Variants in TENM3 observed in about 807,000 individuals in gnomAD.
TENM3 encodes the protein teneurin-3.
In TENM3, 63 loss-of-function variants were observed where a neutral mutation model predicts 255.1. The observed-to-expected ratio is 0.25, with a 90% CI of 0.20 to 0.30. TENM3 has a LOEUF of 0.30. Ranked by LOEUF, TENM3 falls within the 10% of genes least tolerant of loss-of-function variation. TENM3 has a pLI of 1.00. For synonymous variants in TENM3, 1,306 were observed against 1,322.3 expected (o/e 0.99, Z 0.27); for missense variants, 2,929 against 3,461.1 (o/e 0.85, Z 3.86).
the TENM3 span, among the ~76,000 whole-genome samples, chr4:182,110,350 G>A: frequency 1.3e-4 from 20 of 151,212 alleles, no homozygotes; most frequent in Non-Finnish European, 2.5e-4. Flanking sequence ...ATTGAGACAG[G>A]GTCTCGCTCT....
the TENM3 span, among the ~76,000 whole-genome samples, chr4:181,779,979 T>C: frequency 2.0e-5 from 3 of 152,242 alleles, no homozygotes; most frequent in Non-Finnish European, 2.9e-5. Flanking sequence ...ATCCTTTTTA[T>C]GGCTGCATAG....
chr4:181,986,584 T>G, the TENM3 span, among the ~76,000 whole-genome samples: 1 of 152,098 alleles, frequency 6.6e-6, no homozygotes, highest in East Asian at 1.9e-4. Flanking sequence ...AAACTTCCAC[T>G]GCTCATACCT....
At chr4:181,889,241 G>A in the TENM3 span, among the ~76,000 whole-genome samples, 10 of 152,180 alleles carry the variant, frequency 6.6e-5, no homozygotes, top group South Asian at 1.2e-3. Flanking sequence ...GTGGTGATGC[G>A]TGCGTTCACG....
chr4:182,493,762 A>G (rs953340647), intron 3 of TENM3, among the ~76,000 whole-genome samples: 3 of 152,154 alleles, frequency 2.0e-5, no homozygotes, highest in Non-Finnish European at 4.4e-5. Context: ...CTAAGACTTG[A>G]TTTCATGCAC....
chr4:182,198,268 A>C (rs533449089), intron 1 of TENM3, among the ~76,000 whole-genome samples: 189 of 152,288 alleles, frequency 1.2e-3, no homozygotes, highest in African/African-American at 4.4e-3. Context: ...TCTCCTTCCA[A>C]AGGGAATTCC....
At chr4:181,506,897 T>C in the TENM3 span, among the ~76,000 whole-genome samples, 3 of 152,210 alleles carry the variant, frequency 2.0e-5, no homozygotes, top group Non-Finnish European at 4.4e-5. Flanking sequence ...AAATAGTGTG[T>C]ATTCCAATAT....
intron 13 of TENM3, among the ~76,000 whole-genome samples, chr4:182,725,127 A>T (rs946499768): frequency 6.6e-6 from 1 of 151,194 alleles, no homozygotes; most frequent in Admixed American, 6.6e-5. Flanking sequence ...ATCATCTCTC[A>T]CTGCACCCTC....
At chr4:181,580,286 C>G in the TENM3 span, among the ~76,000 whole-genome samples, 28 of 152,220 alleles carry the variant, frequency 1.8e-4, no homozygotes, top group South Asian at 5.6e-3. Flanking sequence ...ACGTGAGCCA[C>G]CGTGCACAGC....
At chr4:181,806,140 G>C in the TENM3 span, among the ~76,000 whole-genome samples, 2 of 152,118 alleles carry the variant, frequency 1.3e-5, no homozygotes, top group Non-Finnish European at 2.9e-5. Context: ...AAAATACGTG[G>C]TCCGTAGTAC....
chr4:182,134,774 G>T, the TENM3 span, among the ~76,000 whole-genome samples: 1 of 152,138 alleles, frequency 6.6e-6, no homozygotes, highest in East Asian at 1.9e-4. Flanking sequence ...CTAAAAATCA[G>T]ATCACATGGC....
intron 2 of TENM3, among the ~76,000 whole-genome samples, chr4:182,336,892 CCTCTGCATAAA>C (rs1764179557): frequency 2.2e-5 from 3 of 137,642 alleles, no homozygotes; most frequent in Non-Finnish European, 4.6e-5. Flanking sequence ...CTTTTTTCTG[CCTCTGCATAAA>C]CTGATATGGT....
the TENM3 span, among the ~76,000 whole-genome samples, chr4:181,839,568 G>T: frequency 2.0e-5 from 3 of 149,412 alleles, no homozygotes; most frequent in Admixed American, 6.7e-5. Flanking sequence ...CTTGTTGAGG[G>T]TGTGCAGGTA....
intron 1 of TENM3, among the ~76,000 whole-genome samples, chr4:182,258,377 C>G (rs1450644230): frequency 6.6e-6 from 1 of 152,128 alleles, no homozygotes; most frequent in Non-Finnish European, 1.5e-5. Context: ...AAAGAGAATA[C>G]TCAGGGAGAA....
At chr4:181,785,624 A>C in the TENM3 span, among the ~76,000 whole-genome samples, 1 of 152,144 alleles carries the variant, frequency 6.6e-6, no homozygotes, top group South Asian at 2.1e-4. Context: ...TGGTCACTGG[A>C]GCATTTCAAA....
chr4:182,613,929 G>T (rs1749238790), intron 4 of TENM3, among the ~76,000 whole-genome samples: 2 of 152,138 alleles, frequency 1.3e-5, no homozygotes, highest in Admixed American at 6.5e-5. Flanking sequence ...CACCTTTCTT[G>T]CAGGAATCAC....
At chr4:181,609,986 T>G in the TENM3 span, among the ~76,000 whole-genome samples, 3 of 152,186 alleles carry the variant, frequency 2.0e-5, no homozygotes, top group Non-Finnish European at 4.4e-5. Flanking sequence ...ATTTAGAAAG[T>G]GTTTTATTGC....
At chr4:181,725,264 T>A in the TENM3 span, among the ~76,000 whole-genome samples, 2 of 152,182 alleles carry the variant, frequency 1.3e-5, no homozygotes, top group African/African-American at 4.8e-5. Flanking sequence ...TTTACTGATG[T>A]TTACTGGACA....
At chr4:182,695,808 C>A (rs1022944368) in intron 12 of TENM3, among the ~76,000 whole-genome samples, 27 of 152,208 alleles carry the variant, frequency 1.8e-4, no homozygotes, top group Non-Finnish European at 3.7e-4. Context: ...TTTCTCCCAC[C>A]AGGCATGTAC....
the TENM3 span, among the ~76,000 whole-genome samples, chr4:181,597,824 T>TG: frequency 3.9e-5 from 6 of 152,174 alleles, no homozygotes; most frequent in Non-Finnish European, 8.8e-5. Context: ...TAGAAGGTTA[T>TG]GGGAAAAAAA....
Sources: allele counts gnomAD v4.1 joint callset (sites outside exome capture counted in the v4.1 genomes callset), GRCh38; gene constraint gnomAD v4.1.1; transcripts MANE v1.5; gene names NCBI Gene and HGNC (gene_info 2026-07-23, HGNC 2026-07-21).